The following NECTIN4 variants were observed in gnomAD, a reference collection of about 807,000 sequenced individuals.
NECTIN4 encodes the protein nectin-4.
In NECTIN4, 19 loss-of-function variants were observed where a neutral mutation model predicts 51.7. That is an observed-to-expected ratio of 0.37 (90% confidence interval 0.26 to 0.54). The LOEUF is 0.54. NECTIN4 is among the 20% of genes least tolerant of loss of function. The pLI, the probability that NECTIN4 is intolerant of heterozygous loss-of-function variation, is 0.86. For synonymous variants in NECTIN4, 283 were observed against 286.9 expected, an observed-to-expected ratio of 0.99 and a Z score of 0.14; for missense variants, 619 against 662.4, an observed-to-expected ratio of 0.93 and a Z score of 0.72.
intron 3 of NECTIN4, 85 bp downstream of exon 3, chr1:161,077,368 C>A: frequency 6.6e-7 from 1 of 1,508,194 alleles, no homozygotes; most frequent in African/African-American, 1.4e-5. Flanking sequence ...GGCTGGCCAG[C>A]CTGGCATGGC....
intron 1 of NECTIN4, among the ~76,000 whole-genome samples, chr1:161,085,555 G>A (rs1214315191): frequency 1.3e-5 from 2 of 152,126 alleles, no homozygotes; most frequent in Admixed American, 6.6e-5. Flanking sequence ...GGAAGGGGGT[G>A]GGGGTGGCCA....
rs187551945 is a variant in NECTIN4, at chr1:161,072,544, T to C, written c.*117A>G. On this transcript the variant is annotated 3_prime_UTR_variant, in exon 9 of 9. Coordinates refer to ENST00000368012, the MANE Select transcript of NECTIN4 (RefSeq NM_030916.3). ...TTGGAGGTAAAGGTCAAGCAGTCAGTGGGATGGGGAGCATCTTCCGCAAGA... is the reference window on the plus strand; with the variant it reads ...TTGGAGGTAAAGGTCAAGCAGTCAGCGGGATGGGGAGCATCTTCCGCAAGA... 8.2e-6 allele frequency: 7 copies of C among 850,090 alleles called. No individual in the cohort carries two copies. The highest frequency in any genetic ancestry group is 5.0e-5 in the African/African-American group (3 of 60,304). The allele number at this position is 850,090 out of a possible 1,614,324, so 52.7% of individuals were successfully genotyped here.
chr1:161,081,616 G>A (rs534567948), intron 1 of NECTIN4, among the ~76,000 whole-genome samples: 81 of 152,204 alleles, frequency 5.3e-4, no homozygotes, highest in Non-Finnish European at 3.7e-4. Context: ...GCCTTGGAAC[G>A]CGTGCCCCAG....
At chr1:161,088,601 C>T (rs1429060204) in intron 1 of NECTIN4, among the ~76,000 whole-genome samples, 3 of 152,074 alleles carry the variant, frequency 2.0e-5, no homozygotes, top group African/African-American at 7.2e-5. Context: ...ACCACCCTGG[C>T]ACCTAATATT....
chr1:161,079,700 C>A lies in NECTIN4; in HGVS notation c.329G>T (p.Gly110Val). Residue 110 changes from glycine (G) to valine (V), a missense_variant, in exon 2 of 9, where the codon GGC (glycine) becomes GTC (valine). By Grantham distance (109) the Gly-to-Val change is moderately radical (BLOSUM62 -3). Transcript: ENST00000368012. ...QPPPPRNPLD[G>V]SVLLRNAVQA... Reference sequence around the variant, plus strand: ...CACTGCGTTGCGCAGGAGCACTGAGCCGTCCAGGGGGTTGCGTGGGGGCGG... The same window carrying A: ...CACTGCGTTGCGCAGGAGCACTGAGACGTCCAGGGGGTTGCGTGGGGGCGG... 1 of 1,608,330 alleles carries A rather than the reference C, an allele frequency of 6.2e-7. No homozygotes were observed. Among genetic ancestry groups the A allele is most frequent in the Non-Finnish European group, 8.5e-7 (1 of 1,179,622 alleles).
intron 1 of NECTIN4, among the ~76,000 whole-genome samples, chr1:161,087,954 G>T (rs1041205350): frequency 2.6e-5 from 4 of 152,038 alleles, no homozygotes; most frequent in Non-Finnish European, 5.9e-5. Flanking sequence ...AGTGACTGCT[G>T]GTTCCCCAAC....
chr1:161,080,188 G>C (rs1407436807), intron 1 of NECTIN4, among the ~76,000 whole-genome samples: 1 of 152,212 alleles, frequency 6.6e-6, no homozygotes, highest in Non-Finnish European at 1.5e-5. Context: ...GCTTGCCTAA[G>C]GCCACACAGA....
chr1:161,085,523 TCAGGACACAC>T (rs931116406), intron 1 of NECTIN4, among the ~76,000 whole-genome samples: 1 of 151,710 alleles, frequency 6.6e-6, no homozygotes, highest in African/African-American at 2.4e-5. Flanking sequence ...ACTCCAGCTC[TCAGGACACAC>T]CAGATTTAGA....
intron 1 of NECTIN4, among the ~76,000 whole-genome samples, chr1:161,083,536 T>G (rs919535384): frequency 3.3e-5 from 5 of 152,200 alleles, no homozygotes; most frequent in African/African-American, 1.2e-4. Context: ...CTGTTGCAAA[T>G]TGTTTACTGA....
At chr1:161,087,727 A>G (rs1481304031) in intron 1 of NECTIN4, among the ~76,000 whole-genome samples, 1 of 151,600 alleles carries the variant, frequency 6.6e-6, no homozygotes, top group Non-Finnish European at 1.5e-5. Context: ...GGAGAGAGAG[A>G]TTGGCTCCTC....
intron 8 of NECTIN4, 127 bp from the exon 9 acceptor site, chr1:161,073,012 T>A: frequency 9.8e-7 from 1 of 1,019,076 alleles, no homozygotes; most frequent in Non-Finnish European, 1.5e-6. Context: ...CTCAGAAGCA[T>A]AGGGGCCCAG....
chr1:161,078,346 T>A lies in NECTIN4; in HGVS notation c.440-603A>T, dbSNP rs1467627751. On this transcript the variant is annotated intron_variant, in intron 2 of 8. Coordinates refer to ENST00000368012, the MANE Select transcript of NECTIN4 (RefSeq NM_030916.3). ...CTTGTGAGACTGAGTCTCCGTCTGT[T>A]GCCCAGGCTGGAGTGCAGTGGCATG... 2.2e-4 allele frequency among the ~76,000 whole-genome samples: 34 copies of A among 152,242 alleles called. 1 individual carries two copies. Among genetic ancestry groups the A allele is most frequent in the Non-Finnish European group, 4.4e-4 (30 of 68,024 alleles).
intron 3 of NECTIN4, 67 bp downstream of exon 3, chr1:161,077,386 C>A: frequency 6.3e-7 from 1 of 1,575,024 alleles, no homozygotes; most frequent in Middle Eastern, 1.7e-4. Flanking sequence ...GGCTCAGGGA[C>A]CTGTGGCATC....
At chr1:161,077,346 C>CTCCA in intron 3 of NECTIN4, 107 bp downstream of exon 3, 1 of 1,218,558 alleles carries the variant, frequency 8.2e-7, no homozygotes, top group South Asian at 1.2e-5. Flanking sequence ...TATATATAGC[C>CTCCA]TCCAGGACCC....
chr1:161,080,915 G>A (rs116159137), intron 1 of NECTIN4, among the ~76,000 whole-genome samples: 9 of 152,324 alleles, frequency 5.9e-5, no homozygotes, highest in Non-Finnish European at 1.0e-4. Flanking sequence ...TGTGATGATG[G>A]TTTCTGATTT....
Position 161,076,346 on chromosome 1 carries a change from G to A in NECTIN4, c.851+9C>T. ...TCAAGTTAGGCCTTCCTCAGGCTCG[G>A]GCCCTTACCGTGTCCAGTTGTATGA... On this transcript the variant is annotated intron_variant, in intron 4 of 8. Transcript: ENST00000368012. 1 of 1,614,090 alleles carries A rather than the reference G, an allele frequency of 6.2e-7. No individual in the cohort carries two copies. Among genetic ancestry groups the A allele is most frequent in the South Asian group, 1.1e-5 (1 of 91,084 alleles).
chr1:161,074,159 C>T, intron 6 of NECTIN4, 58 bp downstream of exon 6: 1 of 1,607,830 alleles, frequency 6.2e-7, no homozygotes. Flanking sequence ...CCACCTCCTG[C>T]TATCCTCTTC....
At chr1:161,072,981 G>A (rs1046346621) in intron 8 of NECTIN4, 96 bp from the exon 9 acceptor site, 30 of 1,217,882 alleles carry the variant, frequency 2.5e-5, no homozygotes, top group Admixed American at 7.9e-5. Flanking sequence ...GAGGCCAGGC[G>A]TAAGCAGGGG....
At chr1:161,074,860 A>T in intron 4 of NECTIN4, 101 bp from the exon 5 acceptor site, 1 of 1,321,790 alleles carries the variant, frequency 7.6e-7, no homozygotes, top group African/African-American at 1.5e-5. Flanking sequence ...CCATGACGTC[A>T]CCCAGAGCCG....
Sources: allele counts gnomAD v4.1 joint callset (sites outside exome capture counted in the v4.1 genomes callset), GRCh38; gene constraint gnomAD v4.1.1; transcripts MANE v1.5; gene names NCBI Gene and HGNC (gene_info 2026-07-23, HGNC 2026-07-21).